GALNTL6: variants seen among roughly 807,000 people sequenced by gnomAD.
GALNTL6 encodes polypeptide N-acetylgalactosaminyltransferase-like 6.
A neutral mutation model predicts 73.7 loss-of-function variants in GALNTL6; 46 were observed. The ratio of observed to expected loss-of-function variants is 0.62; its 90% CI spans 0.49 to 0.80. The LOEUF (loss-of-function observed/expected upper bound fraction) is 0.80. GALNTL6 is among the 30% of genes least tolerant of loss of function. The pLI, the probability that GALNTL6 is intolerant of heterozygous loss-of-function variation, is 0.00. For synonymous variants in GALNTL6, 259 were observed against 263.7 expected (o/e 0.98, Z 0.17); for missense variants, 604 against 755.0 (o/e 0.80, Z 2.34).
chr4:171,949,476 A>G (rs183986264), intron 2 of GALNTL6, among the ~76,000 whole-genome samples: 4 of 152,178 alleles, frequency 2.6e-5, no homozygotes. Flanking sequence ...TTTTTTGATT[A>G]TGCTTAACAA....
At chr4:172,169,623 G>A (rs906461201) in intron 2 of GALNTL6, among the ~76,000 whole-genome samples, 1 of 152,002 alleles carries the variant, frequency 6.6e-6, no homozygotes, top group Non-Finnish European at 1.5e-5. Flanking sequence ...GCAGATATTA[G>A]TCATTTTGAC....
chr4:172,967,491 G>GT (rs1750385395), intron 10 of GALNTL6, among the ~76,000 whole-genome samples: 1 of 150,666 alleles, frequency 6.6e-6, no homozygotes, highest in Non-Finnish European at 1.5e-5. Flanking sequence ...CTTTGCCTAT[G>GT]CTTTTTTTTT....
chr4:172,114,338 A>G (rs988769969), intron 2 of GALNTL6, among the ~76,000 whole-genome samples: 1 of 152,102 alleles, frequency 6.6e-6, no homozygotes, highest in African/African-American at 2.4e-5. Context: ...TTGGGAGTCA[A>G]TTTGGAAATA....
chr4:172,539,898 TA>T (rs1561128670), intron 5 of GALNTL6, among the ~76,000 whole-genome samples: 42 of 138,804 alleles, frequency 3.0e-4, no homozygotes, highest in African/African-American at 1.1e-3. Context: ...TATATATATA[TA>T]TATATATAAA....
chr4:171,870,682 G>C (rs574804274), intron 2 of GALNTL6, among the ~76,000 whole-genome samples: 118 of 152,172 alleles, frequency 7.8e-4, no homozygotes, highest in African/African-American at 2.7e-3. Flanking sequence ...GTTAGGATGA[G>C]GTCCTATTGG....
At chr4:171,878,371 T>C (rs1736338444) in intron 2 of GALNTL6, among the ~76,000 whole-genome samples, 1 of 152,338 alleles carries the variant, frequency 6.6e-6, no homozygotes, top group Non-Finnish European at 1.5e-5. Flanking sequence ...TATATTTTAA[T>C]TCATGTAAAG....
At chr4:172,443,166 CT>C (rs34479815) in intron 5 of GALNTL6, among the ~76,000 whole-genome samples, 10,534 of 61,048 alleles carry the variant, frequency 0.17, 399 homozygotes, top group Non-Finnish European at 0.23. Flanking sequence ...ATATATATTT[CT>C]TTTTTTTTTT....
At chr4:172,885,545 TG>T (rs1358135299) in intron 8 of GALNTL6, among the ~76,000 whole-genome samples, 1 of 152,184 alleles carries the variant, frequency 6.6e-6, no homozygotes, top group Non-Finnish European at 1.5e-5. Context: ...TGATGCCCTT[TG>T]TTTCTTTATC....
chr4:172,452,383 A>T (rs907303883), intron 5 of GALNTL6, among the ~76,000 whole-genome samples: 15 of 152,010 alleles, frequency 9.9e-5, no homozygotes, highest in Admixed American at 1.3e-4. Context: ...GAAAAAAAAA[A>T]TTAGACTGGG....
chr4:172,069,582 A>ATTATATATATAACACATATGTG lies in GALNTL6; in HGVS notation c.139-160055_139-160054insGTGTTATATATATAACACATAT, dbSNP rs1553989797. Reference sequence around the variant, plus strand: ...TATATATAACACATATATGTTATATATTATATATATAACACATATATGTTA... The same window carrying ATTATATATATAACACATATGTG: ...TATATATAACACATATATGTTATATATTATATATATAACACATATGTGTTATATATATAACACATATATGTTA... On this transcript the variant is annotated intron_variant, in intron 2 of 12. Transcript: ENST00000506823. Among the ~76,000 whole-genome samples, 22 of 21,028 alleles carry ATTATATATATAACACATATGTG rather than the reference A, an allele frequency of 1.0e-3. 6 individuals are homozygous for ATTATATATATAACACATATGTG. The highest frequency in any genetic ancestry group is 1.7e-3 in the African/African-American group (22 of 13,030). 13.8% of individuals were successfully genotyped at this position (21,028 alleles called of 152,430 possible). A position where few individuals can be genotyped will look rare whatever the true frequency, so the allele number is the denominator to read the frequency against.
intron 2 of GALNTL6, among the ~76,000 whole-genome samples, chr4:171,871,069 A>T (rs1034984780): frequency 1.3e-5 from 2 of 152,196 alleles, no homozygotes; most frequent in Non-Finnish European, 2.9e-5. Flanking sequence ...CTTTAGCATT[A>T]TTATATTAAT....
At chr4:171,884,951 G>A (rs1242799799) in intron 2 of GALNTL6, among the ~76,000 whole-genome samples, 1 of 151,880 alleles carries the variant, frequency 6.6e-6, no homozygotes. Context: ...CAGCTACTCG[G>A]AAGGCTGAGG....
chr4:172,973,594 T>A (rs955162804), intron 10 of GALNTL6, among the ~76,000 whole-genome samples: 2 of 152,206 alleles, frequency 1.3e-5, no homozygotes, highest in African/African-American at 4.8e-5. Flanking sequence ...TGCTATGATT[T>A]CATATAATCA....
At chr4:172,613,379 A>C (rs1738603327) in intron 5 of GALNTL6, among the ~76,000 whole-genome samples, 1 of 151,940 alleles carries the variant, frequency 6.6e-6, no homozygotes, top group African/African-American at 2.4e-5. Context: ...AGGGAGAGGG[A>C]GGTCTTATCG....
chr4:172,486,327 A>G (rs1342660394), intron 5 of GALNTL6, among the ~76,000 whole-genome samples: 1 of 152,190 alleles, frequency 6.6e-6, no homozygotes, highest in Non-Finnish European at 1.5e-5. Context: ...AGTCAAAGAA[A>G]GTTGTTGGGT....
At chr4:172,595,215 A>G (rs1737807219) in intron 5 of GALNTL6, among the ~76,000 whole-genome samples, 1 of 152,220 alleles carries the variant, frequency 6.6e-6, no homozygotes, top group South Asian at 2.1e-4. Flanking sequence ...CATTTAGTTC[A>G]TTGCAACTGG....
intron 5 of GALNTL6, among the ~76,000 whole-genome samples, chr4:172,709,830 G>A (rs996624969): frequency 3.9e-5 from 6 of 152,150 alleles, no homozygotes; most frequent in Admixed American, 1.3e-4. Context: ...AAATCATAAA[G>A]GTGTAGATCG....
intron 5 of GALNTL6, among the ~76,000 whole-genome samples, chr4:172,446,870 C>T (rs947345674): frequency 1.3e-5 from 2 of 152,098 alleles, no homozygotes; most frequent in African/African-American, 4.8e-5. Flanking sequence ...ATGATATACT[C>T]TGTGCAGGTC....
Position 172,682,531 on chromosome 4 carries a change from C to T in GALNTL6, c.554-126830C>T, listed in dbSNP as rs193106964. Among the ~76,000 whole-genome samples the T allele has an allele frequency of 6.0e-4, 92 of 152,198 alleles. 1 individual carries two copies. In the South Asian group the frequency reaches 0.016, roughly 26 times the overall value. ...TTTTTAGATAAAATGACAGGATACC[C>T]ACTAGTATGTGAATTTCAGATAAAA... On this transcript the variant is annotated intron_variant, in intron 5 of 12. Coordinates refer to ENST00000506823, the MANE Select transcript of GALNTL6 (RefSeq NM_001034845.3).
Sources: gnomAD v4.1 joint callset for allele counts (sites outside exome capture counted in the v4.1 genomes callset) on GRCh38, gnomAD v4.1.1 for gene constraint, MANE v1.5 for transcripts, NCBI Gene and HGNC (gene_info 2026-07-23, HGNC 2026-07-21) for gene names.